Variants in TRPC7 observed in about 807,000 individuals in gnomAD.
The protein encoded by TRPC7 is transient receptor potential cation channel subfamily C member 7.
TRPC7 carries 42 observed loss-of-function variants against 90.1 expected under a neutral mutation model. The ratio of observed to expected loss-of-function variants is 0.47; its 90% CI spans 0.36 to 0.60. The LOEUF is 0.60. Ranked by LOEUF, TRPC7 falls within the 20% of genes least tolerant of loss-of-function variation. The pLI is 0.00. For missense variants in TRPC7, 955 were observed against 1,112.3 expected (o/e 0.86, Z 2.01); for synonymous variants, 451 against 436.3 (o/e 1.03, Z -0.42).
chr5:136,329,647 C>A (rs866975494), intron 2 of TRPC7, among the ~76,000 whole-genome samples: 5 of 152,128 alleles, frequency 3.3e-5, no homozygotes, highest in Non-Finnish European at 7.3e-5. Context: ...GTGATGAATA[C>A]GAGCTGACTT....
In TRPC7 at chr5:136,216,245, C is replaced by T. The variant is rs746305287; in HGVS notation, c.2374G>A (p.Val792Ile). ...TCTCTGTCCACCTGGGCTTTCAGGA[C>T]GTATCTTTTTATGAGCCGTTTCATG... ...KIMKRLIKRY[V>I]LKAQVDREND... Residue 792 changes from valine to isoleucine, a missense_variant, in exon 11 of 12, where the codon GTC (valine) becomes ATC (isoleucine). Coordinates refer to ENST00000513104, the MANE Select transcript of TRPC7 (RefSeq NM_020389.3). 69 of 1,613,234 alleles carry T rather than the reference C, an allele frequency of 4.3e-5. No homozygotes were observed. The highest frequency in any genetic ancestry group is 9.9e-5 in the South Asian group (9 of 90,824).
chr5:136,346,100 G>C (rs905906276), intron 2 of TRPC7, among the ~76,000 whole-genome samples: 10 of 152,084 alleles, frequency 6.6e-5, no homozygotes, highest in African/African-American at 2.4e-4. Flanking sequence ...GGTGGAGGGA[G>C]GGACAGCATT....
intron 3 of TRPC7, among the ~76,000 whole-genome samples, chr5:136,297,819 G>C (rs922639681): frequency 6.6e-6 from 1 of 152,100 alleles, no homozygotes; most frequent in Non-Finnish European, 1.5e-5. Flanking sequence ...ATCACATCAT[G>C]GACTGCTTTC....
chr5:136,275,692 T>C (rs1296114778), intron 3 of TRPC7, among the ~76,000 whole-genome samples: 3 of 152,208 alleles, frequency 2.0e-5, no homozygotes, highest in African/African-American at 7.2e-5. Flanking sequence ...TGTCCTGCCC[T>C]CACCCCTGGA....
At chr5:136,231,004 T>C (rs1419121708) in intron 8 of TRPC7, among the ~76,000 whole-genome samples, 3 of 152,194 alleles carry the variant, frequency 2.0e-5, no homozygotes, top group African/African-American at 7.2e-5. Flanking sequence ...AGGTACTTAA[T>C]AAATAACACG....
intron 2 of TRPC7, among the ~76,000 whole-genome samples, chr5:136,353,531 A>C (rs1335534220): frequency 6.6e-6 from 1 of 151,758 alleles, no homozygotes; most frequent in Non-Finnish European, 1.5e-5. Flanking sequence ...TTTAGAAGAC[A>C]CTCTCTTGCT....
chr5:136,314,281 G>T (rs141924889), intron 3 of TRPC7: 15 of 152,318 alleles, frequency 9.8e-5, no homozygotes, highest in African/African-American at 2.9e-4. Context: ...AGCAGGGTTT[G>T]TTTGAACCCC....
chr5:136,289,429 C>T (rs900644440), intron 3 of TRPC7, among the ~76,000 whole-genome samples: 4 of 152,174 alleles, frequency 2.6e-5, no homozygotes, highest in African/African-American at 7.2e-5. Flanking sequence ...CCTGGAAAAT[C>T]GGGTCACTCC....
At chr5:136,361,560 C>T (rs1760570190) in intron 1 of TRPC7, among the ~76,000 whole-genome samples, 1 of 152,156 alleles carries the variant, frequency 6.6e-6, no homozygotes, top group Non-Finnish European at 1.5e-5. Context: ...CTTTTGGAGA[C>T]AGAAATTGTG....
rs140171465 is a variant in TRPC7, at chr5:136,311,324, G to C, written c.963+4273C>G. 7.4e-4 allele frequency among the ~76,000 whole-genome samples: 112 copies of C among 152,324 alleles called. 1 individual carries two copies. The East Asian group carries it at 0.016, about 22-fold the overall frequency. ...ATCTAGAGGAGAGAGAGGGATGGAT[G>C]AGAGTGTGTCTTCTGTTAGACAAGT... On this transcript the variant is annotated intron_variant, in intron 3 of 11. Coordinates refer to ENST00000513104, the MANE Select transcript of TRPC7 (RefSeq NM_020389.3).
chr5:136,315,444 G>A (rs911727010), intron 3 of TRPC7, among the ~76,000 whole-genome samples, 153 bp downstream of exon 3: 2 of 152,092 alleles, frequency 1.3e-5, no homozygotes, highest in Non-Finnish European at 2.9e-5. Context: ...TAGCAGCCCT[G>A]TGAAGCTGAC....
chr5:136,365,359 C>A lies in TRPC7; in HGVS notation c.-105G>T. ...GGGTGGTAGCCAAGGATGTACCGCTCTCCGTGGTGCTGAAGTATAGAGCTG... is the reference window on the plus strand; with the variant it reads ...GGGTGGTAGCCAAGGATGTACCGCTATCCGTGGTGCTGAAGTATAGAGCTG... On this transcript the variant is annotated 5_prime_UTR_variant, in exon 1 of 12. Transcript: ENST00000513104. 1 of 1,161,268 alleles carries A rather than the reference C, an allele frequency of 8.6e-7. No individual in the cohort carries two copies. Among genetic ancestry groups the A allele is most frequent in the South Asian group, 1.3e-5 (1 of 76,496 alleles). The allele number at this position is 1,161,268 out of a possible 1,614,324, so 71.9% of individuals were successfully genotyped here.
chr5:136,251,291 T>C (rs1756509094), intron 6 of TRPC7, among the ~76,000 whole-genome samples: 2 of 152,160 alleles, frequency 1.3e-5, no homozygotes, highest in African/African-American at 2.4e-5. Flanking sequence ...CGCATATACA[T>C]ATCCCTTTAG....
chr5:136,312,921 C>T (rs973845473), intron 3 of TRPC7, among the ~76,000 whole-genome samples: 4 of 150,978 alleles, frequency 2.6e-5, no homozygotes, highest in Admixed American at 2.6e-4. Flanking sequence ...TGAGAAGAAG[C>T]CTGTGGTCAT....
intron 5 of TRPC7, among the ~76,000 whole-genome samples, chr5:136,258,870 A>G (rs75217598): frequency 0.019 from 2,872 of 152,254 alleles, 48 homozygotes; most frequent in Non-Finnish European, 0.027. Flanking sequence ...ACTTCTCACC[A>G]TTGGTCCCCA....
At chr5:136,337,868 G>A (rs1331160150) in intron 2 of TRPC7, among the ~76,000 whole-genome samples, 1 of 152,140 alleles carries the variant, frequency 6.6e-6, no homozygotes, top group Non-Finnish European at 1.5e-5. Context: ...TTTTCAAAGA[G>A]TATGTAGAAG....
At chr5:136,279,561 C>T (rs1041967014) in intron 3 of TRPC7, among the ~76,000 whole-genome samples, 1 of 152,120 alleles carries the variant, frequency 6.6e-6, no homozygotes, top group African/African-American at 2.4e-5. Context: ...TTGTCATGGC[C>T]AGAGTCCCAT....
intron 3 of TRPC7, among the ~76,000 whole-genome samples, chr5:136,305,041 T>C (rs1023368556): frequency 6.6e-6 from 1 of 152,158 alleles, no homozygotes; most frequent in African/African-American, 2.4e-5. Context: ...TCTCATAACT[T>C]CCAAAATCTG....
intron 3 of TRPC7, among the ~76,000 whole-genome samples, chr5:136,281,154 C>T (rs1757538665): frequency 6.6e-6 from 1 of 152,190 alleles, no homozygotes; most frequent in South Asian, 2.1e-4. Flanking sequence ...GAACTCTTAT[C>T]TCTCTCTGCC....
Sources: allele counts gnomAD v4.1 joint callset (sites outside exome capture counted in the v4.1 genomes callset), GRCh38; gene constraint gnomAD v4.1.1; transcripts MANE v1.5; gene names NCBI Gene and HGNC (gene_info 2026-07-23, HGNC 2026-07-21).